Variants in ZNF469 observed in about 807,000 individuals in gnomAD.
ZNF469 encodes zinc finger protein 469.
In ZNF469, 1 loss-of-function variant was observed where a neutral mutation model predicts 1.0. The ratio of observed to expected loss-of-function variants is 1.00; its 90% CI spans 0.35 to 4.73. The LOEUF (loss-of-function observed/expected upper bound fraction) is 4.73, where lower values mean the gene tolerates loss of function less well. ZNF469 is among the 30% of genes most tolerant of loss of function. The pLI is 0.16. For synonymous variants in ZNF469, 2,703 were observed against 2,363.4 expected (o/e 1.14, Z -4.17); for missense variants, 6,100 against 5,356.3 (o/e 1.14, Z -4.33).
chr16:88,161,170 A>G, the ZNF469 span, among the ~76,000 whole-genome samples: 1 of 151,966 alleles, frequency 6.6e-6, no homozygotes, highest in African/African-American at 2.4e-5. Flanking sequence ...CAAAAAAAAA[A>G]AAACGGGCTT....
At chr16:88,372,331 ACCATCATCACCATCACCATCG>A in the ZNF469 span, among the ~76,000 whole-genome samples, 2 of 145,388 alleles carry the variant, frequency 1.4e-5, no homozygotes, top group African/African-American at 5.2e-5. Context: ...CACCATCACC[ACCATCATCACCATCACCATCG>A]TCACCATCGC....
chr16:88,131,553 C>T, the ZNF469 span, among the ~76,000 whole-genome samples: 1,099 of 144,102 alleles, frequency 7.6e-3, no homozygotes, highest in African/African-American at 0.028. Context: ...TTCACCGGGT[C>T]TCTCATAGTC....
the ZNF469 span, among the ~76,000 whole-genome samples, chr16:88,292,560 CG>C: frequency 6.6e-6 from 1 of 151,682 alleles, no homozygotes; most frequent in Non-Finnish European, 1.5e-5. Flanking sequence ...GGTCAGAAAA[CG>C]GGTTGAGTGA....
chr16:88,103,468 G>A, the ZNF469 span, among the ~76,000 whole-genome samples: 13 of 152,354 alleles, frequency 8.5e-5, no homozygotes, highest in Middle Eastern at 6.8e-3. Flanking sequence ...CGGGACCGGC[G>A]TGAAGACCCG....
At chr16:88,267,067 G>A in the ZNF469 span, among the ~76,000 whole-genome samples, 1 of 152,324 alleles carries the variant, frequency 6.6e-6, no homozygotes, top group Non-Finnish European at 1.5e-5. Context: ...CTGGGTGTCC[G>A]TGGGTCACGA....
At chr16:88,240,462 C>T in the ZNF469 span, among the ~76,000 whole-genome samples, 2 of 152,184 alleles carry the variant, frequency 1.3e-5, no homozygotes, top group Middle Eastern at 3.2e-3. Context: ...TGTATGGGAT[C>T]GGTCACGGGC....
chr16:88,439,292 C>G lies in ZNF469; in HGVS notation c.11822C>G (p.Thr3941Ser), dbSNP rs766057875. ...LLSQLFGQRL[T>S]GFKIPLKKDA... is the part of the protein sequence containing the mutation. ...AGCCAGCTCTTCGGGCAGAGACTAACTGGCTTCAAAATCCCTTTAAAGAAA... is the reference window on the plus strand; with the variant it reads ...AGCCAGCTCTTCGGGCAGAGACTAAGTGGCTTCAAAATCCCTTTAAAGAAA... The change falls in exon 3 of 3, where the codon ACT becomes AGT. Residue 3941 changes from threonine (T) to serine (S), a missense_variant. Physicochemically the swap from Thr to Ser is moderately conservative, Grantham distance 58. Coordinates refer to ENST00000565624, the MANE Select transcript of ZNF469 (RefSeq NM_001367624.2). 37 of 1,550,452 alleles carry G rather than the reference C, an allele frequency of 2.4e-5. No individual in the cohort carries two copies. In the South Asian group the frequency reaches 4.3e-4, roughly 18 times the overall value.
At chr16:88,160,538 G>A in the ZNF469 span, among the ~76,000 whole-genome samples, 4 of 152,270 alleles carry the variant, frequency 2.6e-5, no homozygotes, top group Admixed American at 1.3e-4. Flanking sequence ...CATGTGGGCC[G>A]TGGGCAGAGG....
the ZNF469 span, among the ~76,000 whole-genome samples, chr16:88,351,557 C>A: frequency 6.6e-6 from 1 of 152,168 alleles, no homozygotes; most frequent in Non-Finnish European, 1.5e-5. Context: ...CCCCAGGCGG[C>A]CTGTGATGTC....
the ZNF469 span, among the ~76,000 whole-genome samples, chr16:88,359,362 A>G: frequency 6.7e-6 from 1 of 149,514 alleles, no homozygotes; most frequent in Non-Finnish European, 1.5e-5. Context: ...GGGGCTTGGT[A>G]TCCTGCACGC....
At chr16:88,332,167 A>G in the ZNF469 span, among the ~76,000 whole-genome samples, 1 of 152,262 alleles carries the variant, frequency 6.6e-6, no homozygotes, top group African/African-American at 2.4e-5. Flanking sequence ...CCACCGAAGG[A>G]ATCTTTCAGA....
intron 1 of ZNF469, among the ~76,000 whole-genome samples, chr16:88,386,017 G>A (rs1026434185): frequency 6.6e-6 from 1 of 152,172 alleles, no homozygotes; most frequent in African/African-American, 2.4e-5. Context: ...CCAGCTAAAA[G>A]CCCAGATGGA....
At chr16:88,109,766 G>T in the ZNF469 span, among the ~76,000 whole-genome samples, 1 of 151,446 alleles carries the variant, frequency 6.6e-6, no homozygotes, top group African/African-American at 2.4e-5. Context: ...CTCCTCTCCG[G>T]GATCAGGAGG....
chr16:88,358,682 C>T, the ZNF469 span, among the ~76,000 whole-genome samples: 2 of 152,034 alleles, frequency 1.3e-5, no homozygotes, highest in African/African-American at 4.8e-5. Context: ...TGTGTGAAGG[C>T]ACCACTTTTG....
chr16:88,340,692 C>T, the ZNF469 span, among the ~76,000 whole-genome samples: 5 of 130,062 alleles, frequency 3.8e-5, no homozygotes, highest in East Asian at 2.6e-4. Context: ...GAGGCAGGTG[C>T]GTGGGGAGGA....
chr16:88,278,857 T>G, the ZNF469 span, among the ~76,000 whole-genome samples: 1 of 58,036 alleles, frequency 1.7e-5, no homozygotes, highest in Admixed American at 1.9e-4. Context: ...CAGTGCACAG[T>G]TAGTGCTGTG....
At chr16:88,322,140 G>T in the ZNF469 span, among the ~76,000 whole-genome samples, 1 of 152,216 alleles carries the variant, frequency 6.6e-6, no homozygotes, top group African/African-American at 2.4e-5. Flanking sequence ...CGCCTGGGCT[G>T]CTCCGACCCT....
the ZNF469 span, among the ~76,000 whole-genome samples, chr16:88,344,721 C>A: frequency 6.6e-6 from 1 of 152,214 alleles, no homozygotes; most frequent in Non-Finnish European, 1.5e-5. Context: ...CATGGTGGAC[C>A]CAGGATGCAG....
At chr16:88,271,356 G>A in the ZNF469 span, among the ~76,000 whole-genome samples, 8 of 131,040 alleles carry the variant, frequency 6.1e-5, 2 homozygotes, top group Non-Finnish European at 5.2e-5. Flanking sequence ...GGTCAGAGGC[G>A]GCTTCGCAGA....
Sources: gnomAD v4.1 joint callset for allele counts (sites outside exome capture counted in the v4.1 genomes callset) on GRCh38, gnomAD v4.1.1 for gene constraint, MANE v1.5 for transcripts, NCBI Gene and HGNC (gene_info 2026-07-23, HGNC 2026-07-21) for gene names.